Variants in SNX27 observed in about 807,000 individuals in gnomAD.
SNX27 encodes the protein sorting nexin 27, also known as sorting nexin-27.
SNX27 carries 22 observed loss-of-function variants against 71.6 expected under a neutral mutation model. The observed-to-expected ratio is 0.31, with a 90% CI of 0.22 to 0.44. The LOEUF (loss-of-function observed/expected upper bound fraction) is 0.44. SNX27 is among the 20% of genes least tolerant of loss of function. The pLI is 1.00. For synonymous variants in SNX27, 269 were observed against 277.2 expected (o/e 0.97, Z 0.29); for missense variants, 531 against 698.6 (o/e 0.76, Z 2.70).
At chr1:151,649,712 T>C (rs559727840) in intron 2 of SNX27, among the ~76,000 whole-genome samples, 2 of 152,212 alleles carry the variant, frequency 1.3e-5, no homozygotes, top group African/African-American at 4.8e-5. Context: ...TTTACTCTCT[T>C]TTTAAAAAAC....
At chr1:151,666,222 G>A (rs1670181399) in intron 6 of SNX27, 1 of 369,228 alleles carries the variant, frequency 2.7e-6, no homozygotes, top group Non-Finnish European at 4.8e-6. Flanking sequence ...GTTATAACTA[G>A]CAATGAATCG....
chr1:151,653,485 A>G (rs1431633767), intron 2 of SNX27, among the ~76,000 whole-genome samples: 1 of 152,038 alleles, frequency 6.6e-6, no homozygotes, highest in Non-Finnish European at 1.5e-5. Context: ...TTGTGCTTAG[A>G]GTGAGGGCTG....
rs938444425 is a variant in SNX27 at position 151,612,874 on chromosome 1, G to A, written c.311+362G>A. Among the ~76,000 whole-genome samples, 1 of 151,974 alleles carries A rather than the reference G, an allele frequency of 6.6e-6. No individual in the cohort carries two copies. Among genetic ancestry groups the A allele is most frequent in the Non-Finnish European group, 1.5e-5 (1 of 68,006 alleles). On this transcript the variant is annotated intron_variant, in intron 1 of 11. Transcript: ENST00000458013. This position sits in a 1 kb window ranked among gnomAD's most constrained non-coding sequence, Gnocchi z 5.2. ...GTCTTGCTCAGAAGGAACCTCATCT[G>A]CTCCTTACTGACGGCGTTTCGTTTT...
rs770267309 is a variant in SNX27, at chr1:151,633,972, GT to G, written c.312-4904del. 6.4e-4 allele frequency among the ~76,000 whole-genome samples: 92 copies of G among 143,906 alleles called. No individual in the cohort carries two copies. In the South Asian group the frequency reaches 8.7e-3, roughly 14 times the overall value. 94.4% of individuals were successfully genotyped at this position (143,906 alleles called of 152,430 possible). A position where few individuals can be genotyped will look rare whatever the true frequency, so the allele number is the denominator to read the frequency against. On this transcript the variant is annotated intron_variant, in intron 1 of 11. Transcript: ENST00000458013. The stretch of plus-strand genomic sequence containing the variant: ...GTTGTTTGTGTAGATGTGTATGTGT[GT>G]TTTTTTTTTTTCTCTTGGATAATAC...
intron 1 of SNX27, among the ~76,000 whole-genome samples, chr1:151,621,887 C>G (rs1418063839): frequency 2.0e-5 from 3 of 152,186 alleles, no homozygotes; most frequent in African/African-American, 7.2e-5. Context: ...GTTCCTGCCT[C>G]TGTCTTTACT....
Position 151,692,406 on chromosome 1 carries a change from CTTTTTTTTTTT to C in SNX27, c.1240-13_1240-3del, listed in dbSNP as rs61159507. 193 of 854,608 alleles carry C rather than the reference CTTTTTTTTTTT, an allele frequency of 2.3e-4. 1 individual carries two copies. The highest frequency in any genetic ancestry group is 1.0e-3 in the Admixed American group (21 of 20,776). The allele number at this position is 854,608 out of a possible 1,614,324, so 52.9% of individuals were successfully genotyped here. On this transcript the variant is annotated intron_variant, in intron 8 of 11. Transcript: ENST00000458013. ...TAACCCTGTTTCCTGTTTCTCCTTCCTTTTTTTTTTTTTTTTTTTTTTTTTTAGTACCTCAA... is the reference window on the plus strand; with the variant it reads ...TAACCCTGTTTCCTGTTTCTCCTTCCTTTTTTTTTTTTTTTAGTACCTCAA...
chr1:151,688,162 T>C (rs1285525154), intron 8 of SNX27, among the ~76,000 whole-genome samples: 3 of 152,168 alleles, frequency 2.0e-5, no homozygotes, highest in African/African-American at 7.2e-5. Flanking sequence ...AGGGAAGCTG[T>C]GTCCTTGGTG....
Position 151,639,071 on chromosome 1 carries a change from A to G in SNX27, c.495A>G (p.Ile165Met). ...ACACAGAAAAGCAAGCAGTGCCCAT[A>G]TCGGTCCCCAGATACAAACATGTGG... ...YDYTEKQAVP[I>M]SVPRYKHVEQ... Residue 165 changes from isoleucine (I) to methionine (M), a missense_variant, in exon 2 of 12, where the codon ATA becomes ATG. This residue lies in a region of SNX27 where 184 missense variants were observed against 289.6 expected (regional missense o/e 0.64). Coordinates refer to ENST00000458013, the MANE Select transcript of SNX27 (RefSeq NM_001330723.2). The G allele has an allele frequency of 1.2e-6, 2 of 1,614,234 alleles. No individual in the cohort carries two copies. Among genetic ancestry groups the G allele is most frequent in the Non-Finnish European group, 1.7e-6 (2 of 1,180,046 alleles).
chr1:151,696,526 T>TTTCGTTCTTTCTTTCG lies in SNX27; in HGVS notation c.*2112_*2113insGTTCTTTCTTTCGTTC, dbSNP rs769158078. 7.0e-6 allele frequency: 1 copy of TTTCGTTCTTTCTTTCG among 143,718 alleles called. No individual in the cohort carries two copies. The highest frequency in any genetic ancestry group is 2.8e-5 in the African/African-American group (1 of 35,390). The allele number at this position is 143,718 out of a possible 1,614,324, so 8.9% of individuals were successfully genotyped here. On this transcript the variant is annotated 3_prime_UTR_variant, in exon 12 of 12. Coordinates refer to ENST00000458013, the MANE Select transcript of SNX27 (RefSeq NM_001330723.2). ...CTTTCGTTCTTTCGTTCTTTCGTTC[T>TTTCGTTCTTTCTTTCG]TTCTTTCTTTCTTTCTTTCTCTTTC...
intron 1 of SNX27, chr1:151,615,687 T>G: frequency 1.0e-6 from 1 of 983,308 alleles, no homozygotes; most frequent in Middle Eastern, 5.2e-4. Context: ...TAGGTGAATG[T>G]ATGGACCTTG....
intron 7 of SNX27, among the ~76,000 whole-genome samples, chr1:151,671,935 A>C (rs1356403501): frequency 6.6e-6 from 1 of 152,198 alleles, no homozygotes; most frequent in African/African-American, 2.4e-5. Flanking sequence ...GTATAAGATC[A>C]TATCATCTGC....
Position 151,696,110 on chromosome 1 carries a change from C to T in SNX27, c.*1693C>T, listed in dbSNP as rs574465926. 1.3e-5 allele frequency: 2 copies of T among 152,246 alleles called. No individual in the cohort carries two copies. Among genetic ancestry groups the T allele is most frequent in the Admixed American group, 6.5e-5 (1 of 15,298 alleles). The allele number at this position is 152,246 out of a possible 1,614,324, so 9.4% of individuals were successfully genotyped here. On this transcript the variant is annotated 3_prime_UTR_variant, in exon 12 of 12. Coordinates refer to ENST00000458013, the MANE Select transcript of SNX27 (RefSeq NM_001330723.2). ...AACGAAAACCTTTCTGCTTTCTGTC[C>T]GTTAAAGAGCTCCTCATCTGATCTT...
In SNX27 at chr1:151,693,074, G is replaced by A. The variant is rs747407324; in HGVS notation, c.1518+35G>A. 5.6e-6 allele frequency: 9 copies of A among 1,593,794 alleles called. No homozygotes were observed. The East Asian group carries it at 1.8e-4, about 32-fold the overall frequency. On this transcript the variant is annotated intron_variant, in intron 10 of 11. Transcript: ENST00000458013. ...ATTTGGGGAAAGTAACTGGGACTTA[G>A]TTTGTTTTTTTGTTTTTTTTTTCAG...
intron 7 of SNX27, among the ~76,000 whole-genome samples, chr1:151,683,132 C>G (rs916327080): frequency 1.3e-5 from 2 of 152,256 alleles, no homozygotes; most frequent in South Asian, 4.2e-4. Context: ...CACCTCCCAC[C>G]GGGTCCCTCC....
At chr1:151,676,119 A>G (rs1571859322) in intron 7 of SNX27, 1 of 151,058 alleles carries the variant, frequency 6.6e-6, no homozygotes, top group African/African-American at 2.4e-5. Flanking sequence ...GTGCCCAGAT[A>G]TATTTTTCTT....
intron 2 of SNX27, among the ~76,000 whole-genome samples, chr1:151,639,444 C>G (rs1668620507): frequency 6.6e-6 from 1 of 152,108 alleles, no homozygotes; most frequent in South Asian, 2.1e-4. Flanking sequence ...TGCCGTATCT[C>G]TTTGCTAATA....
In SNX27 at chr1:151,612,650, C is replaced by G; in HGVS notation, c.311+138C>G. The G allele has an allele frequency of 1.5e-6, 1 of 648,968 alleles. No individual in the cohort carries two copies. Among genetic ancestry groups the G allele is most frequent in the Non-Finnish European group, 2.2e-6 (1 of 444,534 alleles). The allele number at this position is 648,968 out of a possible 1,614,324, so 40.2% of individuals were successfully genotyped here. On this transcript the variant is annotated intron_variant, in intron 1 of 11. Transcript: ENST00000458013. This position sits in a 1 kb window ranked among gnomAD's most constrained non-coding sequence, Gnocchi z 5.2. ...TCCGGACCCCCGCCCCTCAGGCCTCCGCAGCCGGGCCCCTCCTTGTGGGCT... is the reference window on the plus strand; with the variant it reads ...TCCGGACCCCCGCCCCTCAGGCCTCGGCAGCCGGGCCCCTCCTTGTGGGCT...
intron 7 of SNX27, among the ~76,000 whole-genome samples, chr1:151,671,957 A>G (rs528989643): frequency 2.0e-5 from 3 of 152,278 alleles, no homozygotes; most frequent in Non-Finnish European, 4.4e-5. Flanking sequence ...AACAAGGATA[A>G]TTTTACTTCT....
intron 11 of SNX27, chr1:151,694,011 GGTCAA>G: frequency 8.2e-7 from 1 of 1,214,556 alleles, no homozygotes; most frequent in Non-Finnish European, 1.0e-6. Context: ...AGAATCAGGA[GGTCAA>G]GTCAAGAACA....
Sources: gnomAD v4.1 joint callset for allele counts (sites outside exome capture counted in the v4.1 genomes callset) on GRCh38, gnomAD v4.1.1 for gene constraint, gnomAD v4.1.1 regional missense constraint, Gnocchi (gnomAD v3.1) non-coding constraint, MANE v1.5 for transcripts, NCBI Gene and HGNC (gene_info 2026-07-23, HGNC 2026-07-21) for gene names.